GDAP1: variants seen among roughly 807,000 people sequenced by gnomAD.
GDAP1 encodes ganglioside-induced differentiation-associated protein 1.
A neutral mutation model predicts 40.1 loss-of-function variants in GDAP1; 34 were observed. That is an observed-to-expected ratio of 0.85 (90% CI 0.64 to 1.13). The LOEUF is 1.13. Ranked by LOEUF, GDAP1 falls within the 50% of genes most tolerant of loss-of-function variation. GDAP1 has a pLI of 0.00. For missense variants in GDAP1, 374 were observed against 433.7 expected, an observed-to-expected ratio of 0.86 and a Z score of 1.22; for synonymous variants, 170 against 157.4, an observed-to-expected ratio of 1.08 and a Z score of -0.60.
Position 74,363,052 on chromosome 8 carries a change from A to T in GDAP1, c.693A>T (p.Pro231=), listed in dbSNP as rs181157785. Residue 231 remains proline (P), a splice_region_variant and synonymous_variant, in exon 5 of 6, where the codon CCA becomes CCT. Transcript: ENST00000220822. ...TGCAAAGAAGAAATGAAGAAACCCC[A>T]GGTAGGTTCTCATTTATATTCTTTC... ...TELQRRNEET[P]EEGQQPWLCG... The T allele has an allele frequency of 1.4e-4, 181 of 1,312,646 alleles. No individual in the cohort carries two copies. The highest frequency in any genetic ancestry group is 1.9e-4 in the Non-Finnish European group (176 of 904,836). The allele number at this position is 1,312,646 out of a possible 1,614,324, so 81.3% of individuals were successfully genotyped here.
intron 2 of GDAP1, among the ~76,000 whole-genome samples, chr8:74,415,211 T>C (rs531377878): frequency 6.7e-6 from 1 of 150,364 alleles, no homozygotes; most frequent in Admixed American, 6.6e-5. Flanking sequence ...TTAGGAATTA[T>C]AGAACAGCAA....
chr8:74,389,470 A>C (rs1810075538), intron 2 of GDAP1, among the ~76,000 whole-genome samples: 1 of 152,082 alleles, frequency 6.6e-6, no homozygotes, highest in Non-Finnish European at 1.5e-5. Context: ...TCTGGGGTGA[A>C]AATTCTTTTC....
intron 5 of GDAP1, 96 bp from the exon 6 acceptor site, chr8:74,363,889 C>G (rs184092919): frequency 1.0e-6 from 1 of 967,766 alleles, no homozygotes; most frequent in South Asian, 1.3e-5. Context: ...TTTTGCTATA[C>G]TCACACTCAC....
At chr8:74,370,548 A>C (rs1809730660), downstream of GDAP1, among the ~76,000 whole-genome samples, 1 of 152,208 alleles carries the variant, frequency 6.6e-6, no homozygotes, top group Non-Finnish European at 1.5e-5. Context: ...AAACAAATAG[A>C]AATAAAATAC....
At chr8:74,437,322 T>C (rs992352966) in intron 2 of GDAP1, among the ~76,000 whole-genome samples, 3 of 152,204 alleles carry the variant, frequency 2.0e-5, no homozygotes, top group African/African-American at 7.2e-5. Flanking sequence ...TTGTTGAAGA[T>C]CTACAGTTAC....
chr8:74,397,857 A>C (rs1586821289), intron 2 of GDAP1, among the ~76,000 whole-genome samples: 1 of 150,958 alleles, frequency 6.6e-6, no homozygotes, highest in Non-Finnish European at 1.5e-5. Context: ...TTGGTTCCAT[A>C]TGAACTTTAA....
rs115038975 is a variant in GDAP1, at chr8:74,438,727, A to G, written c.166-49951A>G. ...GCAATCCTTCCACCTCAGCCTCCCAAGTGGCTGAGACTACAGGTGCATACC... is the reference window on the plus strand; with the variant it reads ...GCAATCCTTCCACCTCAGCCTCCCAGGTGGCTGAGACTACAGGTGCATACC... On this transcript the variant is annotated intron_variant, in intron 2 of 2. Coordinates refer to the GDAP1 transcript ENST00000523640. Among the ~76,000 whole-genome samples, 675 of 152,154 alleles carry G rather than the reference A, an allele frequency of 4.4e-3. 8 individuals are homozygous for G. The highest frequency in any genetic ancestry group is 0.015 in the African/African-American group (620 of 41,514).
Position 74,351,406 on chromosome 8 carries a change from G to GA in GDAP1, c.254dup (p.Asn85LysfsTer5). On this transcript the variant is annotated frameshift_variant, in exon 2 of 6. Transcript: ENST00000220822. LOFTEE classifies it high-confidence loss of function. ...AGAAGTGCCTGTCCTTATCCACGGG[G>GA]AAAACATAATTTGTGAGGCCACTCA... 6.2e-7 allele frequency: 1 copy of GA among 1,614,056 alleles called. No individual in the cohort carries two copies. Among genetic ancestry groups the GA allele is most frequent in the Non-Finnish European group, 8.5e-7 (1 of 1,179,890 alleles).
At chr8:74,360,976 T>C (rs566510556) in intron 3 of GDAP1, among the ~76,000 whole-genome samples, 56 of 152,290 alleles carry the variant, frequency 3.7e-4, no homozygotes, top group African/African-American at 1.3e-3. Context: ...AAACCATGTG[T>C]TCCCCATTAT....
chr8:74,430,230 T>C (rs745888124), intron 2 of GDAP1, among the ~76,000 whole-genome samples: 3 of 152,228 alleles, frequency 2.0e-5, no homozygotes, highest in Non-Finnish European at 2.9e-5. Flanking sequence ...GTTGATGTGA[T>C]TGCAAAATGG....
intron 2 of GDAP1, among the ~76,000 whole-genome samples, chr8:74,375,501 A>G (rs1182683149): frequency 6.6e-6 from 1 of 152,216 alleles, no homozygotes; most frequent in African/African-American, 2.4e-5. Context: ...ACACAGTGTT[A>G]TTAACCACAT....
chr8:74,440,111 C>A (rs578003291), intron 2 of GDAP1, among the ~76,000 whole-genome samples: 1 of 152,204 alleles, frequency 6.6e-6, no homozygotes, highest in South Asian at 2.1e-4. Context: ...TTTCACTGAA[C>A]CTTTCCCATG....
At chr8:74,356,707 TA>T (rs1809113900) in intron 2 of GDAP1, among the ~76,000 whole-genome samples, 1 of 87,164 alleles carries the variant, frequency 1.1e-5, no homozygotes, top group Non-Finnish European at 2.4e-5. Flanking sequence ...TGTGTGTATA[TA>T]TATATATATT....
rs975294970 is a variant in GDAP1 at position 74,487,417 on chromosome 8, T to A, written c.166-1261T>A. ...CATAGAGGAGGGATATACTGCCTCT[T>A]AAAAGGGAATTAAAACTTCTTTGTC... On this transcript the variant is annotated intron_variant, in intron 2 of 2. Transcript: ENST00000523640. 3.3e-5 allele frequency among the ~76,000 whole-genome samples: 5 copies of A among 152,326 alleles called. No individual in the cohort carries two copies. The East Asian group carries it at 9.6e-4, about 29-fold the overall frequency.
At chr8:74,422,667 G>C (rs1005135773) in intron 2 of GDAP1, among the ~76,000 whole-genome samples, 6 of 151,692 alleles carry the variant, frequency 4.0e-5, no homozygotes, top group Non-Finnish European at 8.8e-5. Context: ...ATTCACCTTC[G>C]AGACATTGAA....
rs59331820 is a variant in GDAP1 at position 74,453,940 on chromosome 8, A to AACACACACACAC, written c.166-34713_166-34702dup. ...CTTTATTATCTACTATTCTGAAGAA[A>AACACACACACAC]ACACACACACACACACACACACACA... On this transcript the variant is annotated intron_variant, in intron 2 of 2. Coordinates refer to the GDAP1 transcript ENST00000523640. Among the ~76,000 whole-genome samples, 184 of 59,076 alleles carry AACACACACACAC rather than the reference A, an allele frequency of 3.1e-3. 60 individuals carry two copies. The highest frequency in any genetic ancestry group is 0.014 in the African/African-American group (178 of 12,628). The allele number at this position is 59,076 out of a possible 152,430, so 38.8% of individuals were successfully genotyped here.
chr8:74,400,849 A>AT (rs1460746649), intron 2 of GDAP1, among the ~76,000 whole-genome samples: 1 of 147,116 alleles, frequency 6.8e-6, no homozygotes, highest in Non-Finnish European at 1.5e-5. Flanking sequence ...TGGGTTGAAA[A>AT]TTCTTTTCTT....
intron 2 of GDAP1, among the ~76,000 whole-genome samples, chr8:74,445,591 T>C (rs1313539180): frequency 6.6e-6 from 1 of 152,206 alleles, no homozygotes; most frequent in East Asian, 1.9e-4. Context: ...TTTATGTATA[T>C]GCAATCAGTT....
chr8:74,427,848 GTGCATATATTACCTTT>G (rs1261112527), intron 2 of GDAP1, among the ~76,000 whole-genome samples: 4 of 152,114 alleles, frequency 2.6e-5, no homozygotes, highest in South Asian at 4.2e-4. Context: ...TTTGTGCCTT[GTGCATATATTACCTTT>G]TGCATATATT....
Sources: gnomAD v4.1 joint callset for allele counts (sites outside exome capture counted in the v4.1 genomes callset) on GRCh38, gnomAD v4.1.1 for gene constraint, MANE v1.5 for transcripts, NCBI Gene and HGNC (gene_info 2026-07-23, HGNC 2026-07-21) for gene names.